The following PCYOX1 variants were observed in gnomAD, a reference collection of about 807,000 sequenced individuals.
PCYOX1 encodes the protein prenylcysteine lyase.
PCYOX1 carries 46 observed loss-of-function variants against 46.4 expected under a neutral mutation model. That is an observed-to-expected ratio of 0.99 (90% CI 0.78 to 1.27). The LOEUF is 1.27. Among genes scored for constraint, PCYOX1 ranks in the 50% most tolerant of loss-of-function variants. The pLI, the probability that PCYOX1 is intolerant of heterozygous loss-of-function variation, is 0.00. For missense variants in PCYOX1, 658 were observed against 628.3 expected, an observed-to-expected ratio of 1.05 and a Z score of -0.51; for synonymous variants, 220 against 231.8, an observed-to-expected ratio of 0.95 and a Z score of 0.46.
chr2:70,266,486 T>C (rs1001711543), intron 3 of PCYOX1, among the ~76,000 whole-genome samples: 11 of 152,110 alleles, frequency 7.2e-5, no homozygotes, highest in Non-Finnish European at 1.5e-4. Flanking sequence ...TTAGTATTTA[T>C]TAATCATTCT....
In PCYOX1 at chr2:70,258,239, C is replaced by G. The variant is rs1373213330; in HGVS notation, c.75C>G (p.Pro25=). 1.9e-6 allele frequency: 3 copies of G among 1,594,766 alleles called. No homozygotes were observed. Among genetic ancestry groups the G allele is most frequent in the African/African-American group, 2.7e-5 (2 of 73,038 alleles). ...TGTTGCTGTGCAGCTGCGGATGCCC[C>G]GAGGGCGCCGAGCTGCGTGCTCCGC... is the stretch of plus-strand genomic sequence containing the variant. The part of the protein sequence containing the change: ...LWLLLCSCGC[P]EGAELRAPPD... Residue 25 remains proline, a synonymous_variant, in exon 1 of 6, where the codon CCC becomes CCG. Coordinates refer to ENST00000433351, the MANE Select transcript of PCYOX1 (RefSeq NM_016297.4).
At chr2:70,260,421 G>A (rs1351024309) in intron 2 of PCYOX1, among the ~76,000 whole-genome samples, 1 of 152,190 alleles carries the variant, frequency 6.6e-6, no homozygotes, top group Non-Finnish European at 1.5e-5. Context: ...GCACAAACCT[G>A]TAGTCCCAGC....
chr2:70,267,597 G>A (rs1033843645), intron 3 of PCYOX1, among the ~76,000 whole-genome samples: 6 of 152,112 alleles, frequency 3.9e-5, no homozygotes, highest in South Asian at 4.1e-4. Context: ...AGACCAGCCC[G>A]GCCAACACGG....
At chr2:70,265,321 G>C (rs1210772474) in intron 3 of PCYOX1, among the ~76,000 whole-genome samples, 1 of 150,808 alleles carries the variant, frequency 6.6e-6, no homozygotes, top group African/African-American at 2.4e-5. Flanking sequence ...TCCAGCCTCA[G>C]CTGGGACTAT....
rs747879755 is a variant in PCYOX1, at chr2:70,277,417, C to T, written c.*25C>T. The T allele has an allele frequency of 5.4e-5, 84 of 1,542,466 alleles. No individual in the cohort carries two copies. The highest frequency in any genetic ancestry group is 7.2e-5 in the Non-Finnish European group (82 of 1,135,604). ...AAGTGACACACTCCTTTTTCCCCTC[C>T]TAGTTCCAAATGACTATCAGTGGCA... On this transcript the variant is annotated 3_prime_UTR_variant, in exon 6 of 6. Coordinates refer to ENST00000433351, the MANE Select transcript of PCYOX1 (RefSeq NM_016297.4).
At chr2:70,275,251 C>A in intron 4 of PCYOX1, 81 bp downstream of exon 4, 1 of 1,222,836 alleles carries the variant, frequency 8.2e-7, no homozygotes, top group South Asian at 1.2e-5. Flanking sequence ...TGACTTTAGG[C>A]TGTGGATTGG....
chr2:70,258,191 C>G lies in PCYOX1; in HGVS notation c.27C>G (p.Val9=). 6.3e-7 allele frequency: 1 copy of G among 1,598,242 alleles called. No individual in the cohort carries two copies. Among genetic ancestry groups the G allele is most frequent in the Non-Finnish European group, 8.5e-7 (1 of 1,176,452 alleles). MGRVVAEL[V]SSLLGLWLLL... Reference sequence around the variant, plus strand: ...TGGGGCGCGTCGTCGCGGAGCTCGTCTCCTCGCTGCTGGGGTTGTGGCTGT... The same window carrying G: ...TGGGGCGCGTCGTCGCGGAGCTCGTGTCCTCGCTGCTGGGGTTGTGGCTGT... The change falls in exon 1 of 6, where the codon GTC becomes GTG. Residue 9 remains valine, a synonymous_variant. Transcript: ENST00000433351.
chr2:70,263,941 G>A (rs1409273115), intron 3 of PCYOX1, among the ~76,000 whole-genome samples: 1 of 148,432 alleles, frequency 6.7e-6, no homozygotes, highest in African/African-American at 2.5e-5. Flanking sequence ...TTATAGGCGT[G>A]AGCCACTGTG....
At chr2:70,263,478 T>G (rs1696468935) in intron 3 of PCYOX1, among the ~76,000 whole-genome samples, 1 of 152,140 alleles carries the variant, frequency 6.6e-6, no homozygotes, top group African/African-American at 2.4e-5. Flanking sequence ...CAACATGTCC[T>G]TGTCCTCAAA....
chr2:70,274,880 T>C (rs953954828), intron 3 of PCYOX1, 79 bp from the exon 4 acceptor site: 20 of 908,768 alleles, frequency 2.2e-5, no homozygotes, highest in Admixed American at 1.1e-4. Flanking sequence ...TTGATTCTTA[T>C]GACGCCACTT....
rs927839339 is a variant in PCYOX1, at chr2:70,281,147, A to T, written c.*3755A>T. 1.3e-5 allele frequency: 2 copies of T among 152,144 alleles called. No individual in the cohort carries two copies. Among genetic ancestry groups the T allele is most frequent in the Admixed American group, 6.6e-5 (1 of 15,260 alleles). The allele number at this position is 152,144 out of a possible 1,614,324, so 9.4% of individuals were successfully genotyped here. A position where few individuals can be genotyped will look rare whatever the true frequency, so the allele number is the denominator to read the frequency against. On this transcript the variant is annotated 3_prime_UTR_variant, in exon 6 of 6. Coordinates refer to ENST00000433351, the MANE Select transcript of PCYOX1 (RefSeq NM_016297.4). ...TACTCTTGTATTAAAATTTTTCCCC[A>T]CTTCATGATTATATTCAAAATAAAC...
chr2:70,267,525 C>T (rs1036725813), intron 3 of PCYOX1, among the ~76,000 whole-genome samples: 16 of 152,128 alleles, frequency 1.1e-4, no homozygotes, highest in South Asian at 2.1e-4. Context: ...AGCGACACTC[C>T]GTCTGCAATC....
At chr2:70,267,513 TGA>T in intron 3 of PCYOX1, among the ~76,000 whole-genome samples, 1 of 151,938 alleles carries the variant, frequency 6.6e-6, no homozygotes, top group Non-Finnish European at 1.5e-5. Context: ...GAGCACTGAG[TGA>T]GCGACACTCC....
rs1458598406 is a variant in PCYOX1, at chr2:70,274,961, T to A, written c.497T>A (p.Ile166Asn). The A allele has an allele frequency of 1.9e-6, 3 of 1,584,994 alleles. No individual in the cohort carries two copies. The highest frequency in any genetic ancestry group is 1.7e-4 in the Middle Eastern group (1 of 5,994). Reference sequence around the variant, plus strand: ...TGGATTTCTCTTCTTTTCCAAAGGATCTACCGCTACCAGTCTCATGACTAT... The same window carrying A: ...TGGATTTCTCTTCTTTTCCAAAGGAACTACCGCTACCAGTCTCATGACTAT... The part of the protein sequence containing the change: ...VEDVLDKFMR[I>N]YRYQSHDYAF... The change falls in exon 4 of 6, where the codon ATC becomes AAC. Residue 166 changes from isoleucine to asparagine, a missense_variant and splice_region_variant. Ile to Asn is a moderately radical substitution (Grantham distance 149, BLOSUM62 -3). Coordinates refer to ENST00000433351, the MANE Select transcript of PCYOX1 (RefSeq NM_016297.4).
chr2:70,280,046 C>T lies in PCYOX1; in HGVS notation c.*2654C>T, dbSNP rs1291762816. ...AGTGAGCAGAGATCGCACCACTGCA[C>T]TCCAGCCTGGGCAAGAGTGAGACTG... On this transcript the variant is annotated 3_prime_UTR_variant, in exon 6 of 6. Transcript: ENST00000433351. 6.6e-6 allele frequency: 1 copy of T among 152,040 alleles called. No individual in the cohort carries two copies. The highest frequency in any genetic ancestry group is 1.5e-5 in the Non-Finnish European group (1 of 68,036). The allele number at this position is 152,040 out of a possible 1,614,324, so 9.4% of individuals were successfully genotyped here.
In PCYOX1 at chr2:70,263,924, G is replaced by T. The variant is rs189145142; in HGVS notation, c.494+2538G>T. ...TCTGCCTGTCTCGGCTTCCCAAAGT[G>T]TTGGGATTATAGGCGTGAGCCACTG... On this transcript the variant is annotated intron_variant, in intron 3 of 5. Coordinates refer to ENST00000433351, the MANE Select transcript of PCYOX1 (RefSeq NM_016297.4). Among the ~76,000 whole-genome samples, 990 of 146,042 alleles carry T rather than the reference G, an allele frequency of 6.8e-3. 13 individuals carry two copies. Among genetic ancestry groups the T allele is most frequent in the African/African-American group, 0.023 (899 of 39,496 alleles).
At chr2:70,273,712 T>C (rs972418615) in intron 3 of PCYOX1, among the ~76,000 whole-genome samples, 2 of 152,354 alleles carry the variant, frequency 1.3e-5, no homozygotes, top group African/African-American at 2.4e-5. Flanking sequence ...ATTTGCAACA[T>C]GAAAAATTGT....
intron 1 of PCYOX1, chr2:70,258,517 CAG>C (rs1468040410): frequency 8.7e-6 from 2 of 230,266 alleles, no homozygotes; most frequent in Non-Finnish European, 1.7e-5. Context: ...TGGACGGGGA[CAG>C]GGGCGGGCGG....
intron 3 of PCYOX1, among the ~76,000 whole-genome samples, chr2:70,267,153 G>A (rs1050456882): frequency 3.3e-5 from 5 of 151,974 alleles, no homozygotes; most frequent in Middle Eastern, 3.4e-3. Context: ...CCCAGACGGC[G>A]TCGCGGCCGG....
Sources: allele counts gnomAD v4.1 joint callset (sites outside exome capture counted in the v4.1 genomes callset), GRCh38; gene constraint gnomAD v4.1.1; transcripts MANE v1.5; gene names NCBI Gene and HGNC (gene_info 2026-07-23, HGNC 2026-07-21).